The following SPIRE1 variants were observed in gnomAD, a reference collection of about 807,000 sequenced individuals.
SPIRE1 encodes spire type actin nucleation factor 1.
A neutral mutation model predicts 94.1 loss-of-function variants in SPIRE1; 40 were observed. That is an observed-to-expected ratio of 0.43 (90% CI 0.33 to 0.55). SPIRE1 has a LOEUF of 0.55. Among genes scored for constraint, SPIRE1 ranks in the 20% least tolerant of loss-of-function variants. SPIRE1 has a pLI of 0.06. For synonymous variants in SPIRE1, 376 were observed against 371.7 expected (o/e 1.01, Z -0.13); for missense variants, 838 against 975.2 (o/e 0.86, Z 1.87).
chr18:12,610,251 G>A (rs1432716548), intron 2 of SPIRE1, among the ~76,000 whole-genome samples: 2 of 151,816 alleles, frequency 1.3e-5, no homozygotes, highest in East Asian at 3.9e-4. Context: ...TTCCAATATT[G>A]TGGCCTCTCC....
At chr18:12,594,325 G>A (rs2036614768) in intron 2 of SPIRE1, among the ~76,000 whole-genome samples, 1 of 152,094 alleles carries the variant, frequency 6.6e-6, no homozygotes, top group African/African-American at 2.4e-5. Flanking sequence ...AGCCTATTAA[G>A]CAATGGGGGG....
chr18:12,606,214 T>G, intron 2 of SPIRE1, among the ~76,000 whole-genome samples: 1 of 152,090 alleles, frequency 6.6e-6, no homozygotes, highest in Admixed American at 6.6e-5. Flanking sequence ...TTTACTTATA[T>G]ATTATCTGTA....
chr18:12,555,585 C>T (rs2035481053), intron 2 of SPIRE1, among the ~76,000 whole-genome samples: 1 of 152,186 alleles, frequency 6.6e-6, no homozygotes, highest in Admixed American at 6.5e-5. Flanking sequence ...ATTATTCCAA[C>T]TGATGTTGAA....
Position 12,637,227 on chromosome 18 carries a change from C to T in SPIRE1, c.338-2131G>A, listed in dbSNP as rs180963295. On this transcript the variant is annotated intron_variant, in intron 1 of 16. Coordinates refer to ENST00000409402, the MANE Select transcript of SPIRE1 (RefSeq NM_001128626.2). ...ACAAAACATTAGCCGGGTGTGGTGG[C>T]AAGTGCCTGTAGTCCCAGCTACTCG... Among the ~76,000 whole-genome samples, 171 of 152,058 alleles carry T rather than the reference C, an allele frequency of 1.1e-3. 1 individual carries two copies. The highest frequency in any genetic ancestry group is 7.2e-3 in the East Asian group (37 of 5,170).
chr18:12,449,312 TG>T lies in SPIRE1; in HGVS notation c.*325del. 2 of 284,608 alleles carry T rather than the reference TG, an allele frequency of 7.0e-6. No individual in the cohort carries two copies. Among genetic ancestry groups the T allele is most frequent in the Non-Finnish European group, 1.3e-5 (2 of 149,926 alleles). The allele number at this position is 284,608 out of a possible 1,614,324, so 17.6% of individuals were successfully genotyped here. On this transcript the variant is annotated 3_prime_UTR_variant, in exon 17 of 17. Transcript: ENST00000409402. Reference sequence around the variant, plus strand: ...TCTCGTAGGAGAAGCTTTTTTTTTTTGCCTTAGTCAGGAGATTATTCGAGGA... The same window carrying T: ...TCTCGTAGGAGAAGCTTTTTTTTTTTCCTTAGTCAGGAGATTATTCGAGGA...
At chr18:12,617,661 C>T (rs1322752941) in intron 2 of SPIRE1, among the ~76,000 whole-genome samples, 6 of 152,106 alleles carry the variant, frequency 3.9e-5, no homozygotes, top group African/African-American at 1.2e-4. Flanking sequence ...TCCACCACCT[C>T]GGCCTCCCAA....
chr18:12,624,202 G>C (rs2037556263), intron 2 of SPIRE1, among the ~76,000 whole-genome samples: 1 of 151,150 alleles, frequency 6.6e-6, no homozygotes, highest in African/African-American at 2.4e-5. Context: ...GATTACAAGC[G>C]TAAACCACCA....
At chr18:12,535,362 A>C in intron 4 of SPIRE1, 114 bp downstream of exon 4, 1 of 1,144,912 alleles carries the variant, frequency 8.7e-7, no homozygotes, top group African/African-American at 1.5e-5. Context: ...GATAGTAATA[A>C]ATCTTTTAAA....
At chr18:12,538,718 C>T (rs965547148) in intron 3 of SPIRE1, among the ~76,000 whole-genome samples, 4 of 152,114 alleles carry the variant, frequency 2.6e-5, no homozygotes, top group African/African-American at 9.7e-5. Context: ...TGCTATGTTG[C>T]CCAAGCTGGT....
At chr18:12,519,549 T>TA (rs1246995312) in intron 4 of SPIRE1, among the ~76,000 whole-genome samples, 2 of 152,152 alleles carry the variant, frequency 1.3e-5, no homozygotes, top group African/African-American at 4.8e-5. Context: ...GTGATGATGA[T>TA]AAAAATGACC....
intron 2 of SPIRE1, among the ~76,000 whole-genome samples, chr18:12,626,600 C>T (rs2037632775): frequency 6.6e-6 from 1 of 152,024 alleles, no homozygotes; most frequent in African/African-American, 2.4e-5. Flanking sequence ...TCTCATTATT[C>T]CAAATAAGGC....
chr18:12,579,200 TACACACACACAC>T lies in SPIRE1; in HGVS notation c.373-32308_373-32297del, dbSNP rs60826359. 1.1e-3 allele frequency among the ~76,000 whole-genome samples: 128 copies of T among 119,108 alleles called. 1 individual carries two copies. The South Asian group carries it at 0.03, about 28-fold the overall frequency. 78.1% of individuals were successfully genotyped at this position (119,108 alleles called of 152,430 possible). A position where few individuals can be genotyped will look rare whatever the true frequency, so the allele number is the denominator to read the frequency against. On this transcript the variant is annotated intron_variant, in intron 2 of 16. Coordinates refer to ENST00000409402, the MANE Select transcript of SPIRE1 (RefSeq NM_001128626.2). Reference sequence around the variant, plus strand: ...AGGAAAAAGTTTACACACACACACATACACACACACACACACACACACACACACACACAAAAT... The same window carrying T: ...AGGAAAAAGTTTACACACACACACATACACACACACACACACACACAAAAT...
At chr18:12,474,432 T>C (rs2032480299) in intron 10 of SPIRE1, among the ~76,000 whole-genome samples, 1 of 143,846 alleles carries the variant, frequency 7.0e-6, no homozygotes, top group South Asian at 2.5e-4. Flanking sequence ...TGGGTGGTGG[T>C]GGGTGGGGAA....
At chr18:12,615,345 A>AAAAAAAAAAATATATATATATAT in intron 2 of SPIRE1, among the ~76,000 whole-genome samples, 2 of 17,236 alleles carry the variant, frequency 1.2e-4, no homozygotes, top group Non-Finnish European at 3.7e-4. Context: ...AAAAAAAAAA[A>AAAAAAAAAAATATATATATATAT]ATATATATAT....
rs1356703427 is a variant in SPIRE1, at chr18:12,449,851, G to C, written c.2058C>G (p.Leu686=). The C allele has an allele frequency of 6.2e-7, 1 of 1,613,982 alleles. No individual in the cohort carries two copies. The highest frequency in any genetic ancestry group is 8.5e-7 in the Non-Finnish European group (1 of 1,180,030). Residue 686 remains leucine (L), a synonymous_variant, in exon 17 of 17, where the codon CTC becomes CTG. Coordinates refer to ENST00000409402, the MANE Select transcript of SPIRE1 (RefSeq NM_001128626.2). ...SKSMDKSDEE[L]QFPKELMEDW... is the part of the protein sequence containing the mutation. ...CCTCCATCAACTCTTTGGGAAACTG[G>C]AGTTCTTCATCTGATTTGTCCATAG...
intron 10 of SPIRE1, among the ~76,000 whole-genome samples, chr18:12,473,075 G>A (rs1343037442): frequency 2.0e-5 from 3 of 152,118 alleles, no homozygotes; most frequent in African/African-American, 7.2e-5. Context: ...GATTACAGGC[G>A]TGAGCCACCA....
intron 10 of SPIRE1, among the ~76,000 whole-genome samples, chr18:12,478,439 T>G (rs2032695900): frequency 6.7e-6 from 1 of 149,190 alleles, no homozygotes; most frequent in African/African-American, 2.5e-5. Flanking sequence ...GGTGTGTATG[T>G]GTGTGTGTAG....
chr18:12,622,702 G>C (rs540406031), intron 2 of SPIRE1, among the ~76,000 whole-genome samples: 2 of 152,278 alleles, frequency 1.3e-5, no homozygotes, highest in East Asian at 3.9e-4. Flanking sequence ...GATTACAGGC[G>C]TGAGCCACTG....
chr18:12,549,721 T>C (rs1473330687), intron 2 of SPIRE1, among the ~76,000 whole-genome samples: 1 of 151,986 alleles, frequency 6.6e-6, no homozygotes, highest in Non-Finnish European at 1.5e-5. Flanking sequence ...AGTGCTGGGA[T>C]TACAGCTGTG....
Sources: gnomAD v4.1 joint callset for allele counts (sites outside exome capture counted in the v4.1 genomes callset) on GRCh38, gnomAD v4.1.1 for gene constraint, MANE v1.5 for transcripts, NCBI Gene and HGNC (gene_info 2026-07-23, HGNC 2026-07-21) for gene names.